The following IQCJ variants were observed in gnomAD, a reference collection of about 807,000 sequenced individuals.
IQCJ encodes the protein IQ domain-containing protein J.
In IQCJ, 9 loss-of-function variants were observed where a neutral mutation model predicts 11.0. The ratio of observed to expected loss-of-function variants is 0.82; its 90% CI spans 0.49 to 1.43. The LOEUF (loss-of-function observed/expected upper bound fraction) is 1.43. Among genes scored for constraint, IQCJ ranks in the 40% most tolerant of loss-of-function variants. IQCJ has a pLI of 0.00. For missense variants in IQCJ, 146 were observed against 133.2 expected (o/e 1.10, Z -0.47); for synonymous variants, 55 against 51.3 (o/e 1.07, Z -0.31).
intron 1 of IQCJ, among the ~76,000 whole-genome samples, chr3:159,090,941 C>T (rs1444470360): frequency 6.6e-6 from 1 of 151,878 alleles, no homozygotes; most frequent in East Asian, 1.9e-4. Flanking sequence ...TTCTTAATTT[C>T]CCCAGTTGAT....
intron 1 of IQCJ, among the ~76,000 whole-genome samples, chr3:159,174,353 A>C (rs750695444): frequency 3.3e-5 from 5 of 152,108 alleles, no homozygotes; most frequent in Non-Finnish European, 5.9e-5. Flanking sequence ...ATAGCTTTGA[A>C]AATTATTCTC....
intron 1 of IQCJ, among the ~76,000 whole-genome samples, chr3:159,105,613 AC>A (rs1718208270): frequency 6.6e-6 from 1 of 152,136 alleles, no homozygotes; most frequent in East Asian, 1.9e-4. Flanking sequence ...TTTGGTCAGG[AC>A]ATTTGAATAA....
chr3:159,151,577 G>C (rs183015188), intron 1 of IQCJ, among the ~76,000 whole-genome samples: 1 of 152,126 alleles, frequency 6.6e-6, no homozygotes, highest in Non-Finnish European at 1.5e-5. Flanking sequence ...TACCTGCACT[G>C]GTCTCAGTTT....
chr3:159,110,114 A>G (rs183959143), intron 1 of IQCJ, among the ~76,000 whole-genome samples: 2 of 152,318 alleles, frequency 1.3e-5, no homozygotes, highest in East Asian at 3.9e-4. Context: ...TTTGAACACT[A>G]GAGTGGAGAG....
intron 1 of IQCJ, among the ~76,000 whole-genome samples, chr3:159,222,709 A>G (rs1303170372): frequency 6.6e-6 from 1 of 152,210 alleles, no homozygotes; most frequent in East Asian, 1.9e-4. Context: ...ATAAAAAAGC[A>G]AAAGCAAAGA....
At chr3:159,251,999 C>T (rs946828873) in intron 2 of IQCJ, among the ~76,000 whole-genome samples, 2 of 152,152 alleles carry the variant, frequency 1.3e-5, no homozygotes, top group Non-Finnish European at 2.9e-5. Context: ...TTTTGTTCTC[C>T]TATTTTTTTC....
chr3:159,090,082 G>A (rs1717134034), intron 1 of IQCJ, among the ~76,000 whole-genome samples: 1 of 151,750 alleles, frequency 6.6e-6, no homozygotes, highest in African/African-American at 2.4e-5. Flanking sequence ...TGATGGTGAT[G>A]TAAAGATGGG....
At chr3:159,232,946 GACTTA>G (rs1726350588) in intron 1 of IQCJ, among the ~76,000 whole-genome samples, 1 of 152,080 alleles carries the variant, frequency 6.6e-6, no homozygotes, top group African/African-American at 2.4e-5. Context: ...GGACAGATAG[GACTTA>G]ACATCCAGGT....
intron 1 of IQCJ, among the ~76,000 whole-genome samples, chr3:159,232,451 CTTTTTTTTTTTTTTTT>C (rs35423818): frequency 1.2e-5 from 1 of 83,762 alleles, no homozygotes; most frequent in Non-Finnish European, 2.3e-5. Context: ...GAGAGACTTT[CTTTTTTTTTTTTTTTT>C]TTTTTTTGAG....
At chr3:159,224,103 G>A (rs1725704147) in intron 1 of IQCJ, among the ~76,000 whole-genome samples, 1 of 151,376 alleles carries the variant, frequency 6.6e-6, no homozygotes, top group South Asian at 2.1e-4. Context: ...AGAAATGGCT[G>A]ACTCTGGGTG....
intron 1 of IQCJ, among the ~76,000 whole-genome samples, chr3:159,073,988 A>T (rs894841948): frequency 6.6e-6 from 1 of 152,134 alleles, no homozygotes; most frequent in Non-Finnish European, 1.5e-5. Flanking sequence ...GCAGAATCAG[A>T]TGATTTGGAG....
intron 1 of IQCJ, among the ~76,000 whole-genome samples, chr3:159,075,525 A>G (rs761980937): frequency 4.6e-5 from 7 of 152,120 alleles, no homozygotes; most frequent in Non-Finnish European, 4.4e-5. Flanking sequence ...ATAGAAATAC[A>G]GGATTTGCAC....
chr3:159,223,381 G>T (rs961799295), intron 1 of IQCJ, among the ~76,000 whole-genome samples: 1 of 152,136 alleles, frequency 6.6e-6, no homozygotes. Flanking sequence ...TATAATATAT[G>T]TAAAAATGTG....
chr3:159,179,502 C>A (rs992972827), intron 1 of IQCJ, among the ~76,000 whole-genome samples: 4 of 152,076 alleles, frequency 2.6e-5, no homozygotes, highest in Non-Finnish European at 5.9e-5. Context: ...TACCATGATG[C>A]AGTTACTTTA....
rs140777887 is a variant in IQCJ, at chr3:159,115,466, CAGAA to C, written c.9+46029_9+46032del. On this transcript the variant is annotated intron_variant, in intron 1 of 3. Coordinates refer to ENST00000397832, the MANE Select transcript of IQCJ (RefSeq NM_001042706.3). ...AAGGCTGGGAGCCTAGCTGTGCACCCAGAAAGAGTGTAAGTTGTAGTGAACACGT... is the reference window on the plus strand; with the variant it reads ...AAGGCTGGGAGCCTAGCTGTGCACCCAGAGTGTAAGTTGTAGTGAACACGT... Among the ~76,000 whole-genome samples, 2,157 of 152,258 alleles carry C rather than the reference CAGAA, an allele frequency of 0.014. 182 individuals carry two copies. The East Asian group carries it at 0.25, about 18-fold the overall frequency.
chr3:159,163,672 T>C (rs1223716461), intron 1 of IQCJ, among the ~76,000 whole-genome samples: 1 of 152,178 alleles, frequency 6.6e-6, no homozygotes, highest in African/African-American at 2.4e-5. Flanking sequence ...GCCTCATTTT[T>C]CATGTATTAT....
At chr3:159,162,794 C>G (rs1324555938) in intron 1 of IQCJ, among the ~76,000 whole-genome samples, 1 of 152,164 alleles carries the variant, frequency 6.6e-6, no homozygotes, top group Non-Finnish European at 1.5e-5. Context: ...ACTACAAACA[C>G]CTCTATGCAA....
At chr3:159,154,121 T>G (rs1219411217) in intron 1 of IQCJ, among the ~76,000 whole-genome samples, 1 of 152,222 alleles carries the variant, frequency 6.6e-6, no homozygotes, top group African/African-American at 2.4e-5. Context: ...CCAAAAAATC[T>G]AAACCCCCAA....
intron 1 of IQCJ, among the ~76,000 whole-genome samples, chr3:159,228,573 G>A (rs1198895157): frequency 6.6e-6 from 1 of 152,042 alleles, no homozygotes; most frequent in South Asian, 2.1e-4. Flanking sequence ...GGCGGATCAC[G>A]AGGTCAGGAG....
Sources: gnomAD v4.1 joint callset for allele counts (sites outside exome capture counted in the v4.1 genomes callset) on GRCh38, gnomAD v4.1.1 for gene constraint, MANE v1.5 for transcripts, NCBI Gene and HGNC (gene_info 2026-07-23, HGNC 2026-07-21) for gene names.